SPATA13: variants seen among roughly 807,000 people sequenced by gnomAD.
SPATA13 encodes the protein spermatogenesis associated 13, also known as spermatogenesis-associated protein 13.
SPATA13 carries 50 observed loss-of-function variants against 104.0 expected under a neutral mutation model. The observed-to-expected ratio is 0.48, with a 90% CI of 0.38 to 0.61. SPATA13 has a LOEUF of 0.61. Among genes scored for constraint, SPATA13 ranks in the 20% least tolerant of loss-of-function variants. The pLI, the probability that SPATA13 is intolerant of heterozygous loss-of-function variation, is 0.00. For synonymous variants in SPATA13, 606 were observed against 667.5 expected (o/e 0.91, Z 1.42); for missense variants, 1,524 against 1,690.6 (o/e 0.90, Z 1.73).
intron 4 of SPATA13, among the ~76,000 whole-genome samples, chr13:24,260,786 T>A (rs1312399023): frequency 5.3e-5 from 8 of 152,228 alleles, no homozygotes; most frequent in Non-Finnish European, 1.2e-4. Flanking sequence ...CTGGAAATCA[T>A]AGCGGATGCA....
At chr13:24,186,990 T>C (rs974555202) in intron 1 of SPATA13, among the ~76,000 whole-genome samples, 4 of 152,212 alleles carry the variant, frequency 2.6e-5, no homozygotes, top group African/African-American at 9.6e-5. Flanking sequence ...TTATGCAAAC[T>C]GAGAAGAACC....
At position 24,249,719 on chromosome 13, in the gene SPATA13, AG is replaced by A; in HGVS notation, c.1897del (p.Asp633ThrfsTer20). Reference sequence around the variant, plus strand: ...CAAGCATGACTTCTGCCAGCCCTGAAGACCAGAATGCTCCAGTGGGCTGCCC... The same window carrying A: ...CAAGCATGACTTCTGCCAGCCCTGAAACCAGAATGCTCCAGTGGGCTGCCC... ...QASMTSASPE[D>X]QNAPVGCPKG... On this transcript the variant is annotated frameshift_variant, in exon 3 of 13. Transcript: ENST00000382108. LOFTEE classifies it high-confidence loss of function. 1 of 1,613,838 alleles carries A rather than the reference AG, an allele frequency of 6.2e-7. No individual in the cohort carries two copies.
At chr13:24,101,347 G>T (rs1459338646) in intron 3 of SPATA13, among the ~76,000 whole-genome samples, 1 of 152,148 alleles carries the variant, frequency 6.6e-6, no homozygotes. Context: ...ACAGCATTAT[G>T]ACCACTGTTG....
intron 1 of SPATA13, among the ~76,000 whole-genome samples, chr13:24,213,063 G>A (rs547064838): frequency 6.6e-5 from 10 of 152,326 alleles, no homozygotes; most frequent in South Asian, 2.1e-4. Flanking sequence ...GGGTCGGCCC[G>A]TCTCCACAGC....
chr13:24,103,504 A>AAAAAAAAAAAAAAAAAG lies in SPATA13; in HGVS notation c.-112+85804_-112+85805insAAAAAAAAAAAAAAAGA, dbSNP rs1458068316. Among the ~76,000 whole-genome samples the AAAAAAAAAAAAAAAAAG allele has an allele frequency of 6.1e-5, 7 of 115,578 alleles. 1 individual carries two copies. The highest frequency in any genetic ancestry group is 1.1e-4 in the Non-Finnish European group (6 of 55,976). The allele number at this position is 115,578 out of a possible 152,430, so 75.8% of individuals were successfully genotyped here. On this transcript the variant is annotated intron_variant, in intron 3 of 14. Transcript: ENST00000424834. ...TGTCTCAAAAAAAAAAAAAAAAAAC[A>AAAAAAAAAAAAAAAAAG]AGAAAGAAAAGAGCAGGGGAGGAGA...
chr13:24,008,691 G>A (rs1336535125), intron 2 of SPATA13, among the ~76,000 whole-genome samples: 1 of 152,160 alleles, frequency 6.6e-6, no homozygotes, highest in Non-Finnish European at 1.5e-5. Context: ...GCTGAGGAAG[G>A]CAGAGGTGAA....
At chr13:23,993,241 C>T (rs1875497981) in intron 2 of SPATA13, among the ~76,000 whole-genome samples, 1 of 152,244 alleles carries the variant, frequency 6.6e-6, no homozygotes, top group South Asian at 2.1e-4. Flanking sequence ...CAGCTGCTGC[C>T]TCAGAGCATC....
In SPATA13 at chr13:24,249,466, G is replaced by A. The variant is rs1363305696; in HGVS notation, c.1654-11G>A. The A allele has an allele frequency of 3.3e-6, 5 of 1,533,394 alleles. No homozygotes were observed. The highest frequency in any genetic ancestry group is 2.4e-5 in the South Asian group (2 of 82,404). The allele number at this position is 1,533,394 out of a possible 1,614,324, so 95.0% of individuals were successfully genotyped here. On this transcript the variant is annotated splice_polypyrimidine_tract_variant and intron_variant, in intron 2 of 12. Coordinates refer to ENST00000382108, the MANE Select transcript of SPATA13 (RefSeq NM_001166271.3). ...GATATTGAGCTCACCTGACCTGTTC[G>A]CATTTGAAAGGTCGTCCCTGATGGC...
intron 1 of SPATA13, among the ~76,000 whole-genome samples, chr13:24,215,679 T>C (rs1017343541): frequency 6.6e-6 from 1 of 152,236 alleles, no homozygotes; most frequent in Non-Finnish European, 1.5e-5. Context: ...ATGTAAAAGC[T>C]ACATCATTCC....
At chr13:23,981,349 C>T (rs1874885129) in intron 1 of SPATA13, among the ~76,000 whole-genome samples, 1 of 152,126 alleles carries the variant, frequency 6.6e-6, no homozygotes, top group Non-Finnish European at 1.5e-5. Flanking sequence ...TTCTATTTTA[C>T]AAATTATGTT....
At chr13:24,121,954 C>A in intron 3 of SPATA13, 2 of 735,166 alleles carry the variant, frequency 2.7e-6, no homozygotes, top group Admixed American at 2.2e-5. Flanking sequence ...TTCTTTTGTC[C>A]ATCTATTCAT....
chr13:24,303,168 A>G lies in SPATA13; in HGVS notation c.*395A>G, dbSNP rs1267424264. ...GCAGTTCCTAAGGAGTGATGAGGTTAGAGGATCACTTCTGCATTTGATTTT... is the reference window on the plus strand; with the variant it reads ...GCAGTTCCTAAGGAGTGATGAGGTTGGAGGATCACTTCTGCATTTGATTTT... On this transcript the variant is annotated 3_prime_UTR_variant, in exon 13 of 13. Coordinates refer to ENST00000382108, the MANE Select transcript of SPATA13 (RefSeq NM_001166271.3). The G allele has an allele frequency of 2.6e-6, 1 of 388,926 alleles. No homozygotes were observed. The highest frequency in any genetic ancestry group is 5.1e-6 in the Non-Finnish European group (1 of 196,920). 24.1% of individuals were successfully genotyped at this position (388,926 alleles called of 1,614,324 possible). A position where few individuals can be genotyped will look rare whatever the true frequency, so the allele number is the denominator to read the frequency against.
intron 3 of SPATA13, chr13:24,034,821 A>G (rs1877621324): frequency 6.6e-6 from 1 of 152,262 alleles, no homozygotes; most frequent in African/African-American, 2.4e-5. Context: ...AGCAGAAGCA[A>G]AAGCTCTCAT....
Position 24,251,843 on chromosome 13 carries a change from G to A in SPATA13, c.2145G>A (p.Arg715=). ...PIGLDRVGRR[R]QMRASNVSSD... is the part of the protein sequence containing the mutation. Reference sequence around the variant, plus strand: ...GGTTGGACCGTGTGGGACGCCGGCGGCAGATGAGAGCATCCAACGGTGAGT... The same window carrying A: ...GGTTGGACCGTGTGGGACGCCGGCGACAGATGAGAGCATCCAACGGTGAGT... The change falls in exon 4 of 13, where the codon CGG becomes CGA. Residue 715 remains arginine (R), a synonymous_variant. Transcript: ENST00000382108. The A allele has an allele frequency of 6.2e-7, 1 of 1,613,796 alleles. No homozygotes were observed. The highest frequency in any genetic ancestry group is 8.5e-7 in the Non-Finnish European group (1 of 1,179,822).
At position 24,011,355 on chromosome 13, in the gene SPATA13, C is replaced by T. The variant is rs143985398; in HGVS notation, c.-146-6312C>T. The stretch of plus-strand genomic sequence containing the variant: ...TCTCATGCTGTCTCACGTTCCGCAG[C>T]TGGTCTGGGCCCAAGTGCTGAGGAC... On this transcript the variant is annotated intron_variant, in intron 2 of 14. Coordinates refer to the SPATA13 transcript ENST00000424834. The surrounding 1 kb of genome is among the most constrained non-coding windows in gnomAD (Gnocchi z 4.3). 6.6e-6 allele frequency among the ~76,000 whole-genome samples: 1 copy of T among 152,310 alleles called. No individual in the cohort carries two copies. The highest frequency in any genetic ancestry group is 1.5e-5 in the Non-Finnish European group (1 of 68,020).
chr13:24,212,506 CTG>C (rs547540501), intron 1 of SPATA13, among the ~76,000 whole-genome samples: 123 of 152,248 alleles, frequency 8.1e-4, no homozygotes, highest in African/African-American at 2.9e-3. Flanking sequence ...CCACCTGACT[CTG>C]TTGCATCAGG....
chr13:24,119,181 A>G (rs992779637), intron 3 of SPATA13, among the ~76,000 whole-genome samples: 1 of 152,066 alleles, frequency 6.6e-6, no homozygotes, highest in African/African-American at 2.4e-5. Flanking sequence ...AGCTGGGATT[A>G]CAGGCGTGAG....
intron 2 of SPATA13, among the ~76,000 whole-genome samples, chr13:24,230,964 A>G (rs1327121353): frequency 6.6e-6 from 1 of 152,172 alleles, no homozygotes; most frequent in African/African-American, 2.4e-5. Context: ...TTTGCATAAC[A>G]TCAACTCACC....
intron 1 of SPATA13, among the ~76,000 whole-genome samples, chr13:24,184,809 A>AT (rs998715829): frequency 1.0e-3 from 156 of 150,374 alleles, no homozygotes; most frequent in African/African-American, 2.9e-3. Context: ...ATGGGTCCAG[A>AT]TTTTTTTTTT....
Sources: allele counts gnomAD v4.1 joint callset (sites outside exome capture counted in the v4.1 genomes callset), GRCh38; gene constraint gnomAD v4.1.1; non-coding constraint Gnocchi (gnomAD v3.1); transcripts MANE v1.5; gene names NCBI Gene and HGNC (gene_info 2026-07-23, HGNC 2026-07-21).